Variants in ASAP1 observed in about 807,000 individuals in gnomAD.
ASAP1 encodes arf-GAP with SH3 domain, ANK repeat and PH domain-containing protein 1.
In ASAP1, 43 loss-of-function variants were observed where a neutral mutation model predicts 145.2. That is an observed-to-expected ratio of 0.30 (90% confidence interval 0.23 to 0.38). The LOEUF (loss-of-function observed/expected upper bound fraction) is 0.38. ASAP1 is among the 10% of genes least tolerant of loss of function. The probability of loss-of-function intolerance (pLI) is 1.00; values close to 1 mark genes in which losing one functional copy is unlikely to be tolerated. For missense variants in ASAP1, 1,018 were observed against 1,355.3 expected, an observed-to-expected ratio of 0.75 and a Z score of 3.91; for synonymous variants, 546 against 515.5, an observed-to-expected ratio of 1.06 and a Z score of -0.80.
rs58907739 is a variant in ASAP1 at position 130,072,831 on chromosome 8, G to GCGTGCGT, written c.2701+3516_2701+3517insACGCACG. Among the ~76,000 whole-genome samples the GCGTGCGT allele has an allele frequency of 7.2e-5, 8 of 110,774 alleles. 1 individual carries two copies. Among genetic ancestry groups the GCGTGCGT allele is most frequent in the African/African-American group, 1.8e-4 (5 of 27,920 alleles). 72.7% of individuals were successfully genotyped at this position (110,774 alleles called of 152,430 possible). A position where few individuals can be genotyped will look rare whatever the true frequency, so the allele number is the denominator to read the frequency against. On this transcript the variant is annotated intron_variant, in intron 27 of 29. Transcript: ENST00000518721. ...TGTGTGTGTGTGTGTGTGTGCGCGCGGGGGGGGGCAGTTTTGGGGACTGAG... is the reference window on the plus strand; with the variant it reads ...TGTGTGTGTGTGTGTGTGTGCGCGCGCGTGCGTGGGGGGGGCAGTTTTGGGGACTGAG...
intron 27 of ASAP1, among the ~76,000 whole-genome samples, chr8:130,068,439 A>C (rs1053793684): frequency 2.0e-5 from 3 of 152,240 alleles, no homozygotes; most frequent in Non-Finnish European, 4.4e-5. Context: ...ACTAGAGGGT[A>C]TAGTGCGAAA....
chr8:130,426,965 A>C (rs1199475640), intron 1 of ASAP1, among the ~76,000 whole-genome samples: 1 of 152,214 alleles, frequency 6.6e-6, no homozygotes, highest in Non-Finnish European at 1.5e-5. Context: ...TCCCGCCCCT[A>C]GAATACCACC....
At chr8:130,203,201 A>G (rs1815983048) in intron 5 of ASAP1, among the ~76,000 whole-genome samples, 1 of 152,216 alleles carries the variant, frequency 6.6e-6, no homozygotes, top group South Asian at 2.1e-4. Context: ...CTTATACAAC[A>G]ACAAAGTCCA....
rs1300886479 is a variant in ASAP1 at position 130,401,867 on chromosome 8, G to A, written c.59+18C>T. ...CCACGCCGAGTTTTCTGGACAGGAT[G>A]GGCTAGAGATCACTCACCGATTCCA... On this transcript the variant is annotated intron_variant, in intron 2 of 29. Transcript: ENST00000518721. 8.1e-6 allele frequency: 13 copies of A among 1,611,278 alleles called. No individual in the cohort carries two copies. Among genetic ancestry groups the A allele is most frequent in the Non-Finnish European group, 1.1e-5 (13 of 1,178,520 alleles).
chr8:130,234,357 C>G (rs1818087109), intron 4 of ASAP1, among the ~76,000 whole-genome samples: 2 of 151,856 alleles, frequency 1.3e-5, no homozygotes. Context: ...TAGTACAAAC[C>G]TAGGAGGAGG....
At chr8:130,398,413 A>G (rs149721286) in intron 2 of ASAP1, among the ~76,000 whole-genome samples, 9 of 152,330 alleles carry the variant, frequency 5.9e-5, no homozygotes, top group African/African-American at 1.9e-4. Context: ...ATGGTATAGT[A>G]GTAATAATAG....
intron 3 of ASAP1, among the ~76,000 whole-genome samples, chr8:130,304,504 C>A (rs906235510): frequency 6.6e-6 from 1 of 152,164 alleles, no homozygotes; most frequent in African/African-American, 2.4e-5. Flanking sequence ...AGGCTCAAAG[C>A]CAACCTTCAC....
chr8:130,176,794 G>A (rs568964250), intron 9 of ASAP1, among the ~76,000 whole-genome samples: 35 of 151,706 alleles, frequency 2.3e-4, no homozygotes, highest in African/African-American at 8.5e-4. Flanking sequence ...GGATTCAAGC[G>A]ATTCTCCTGC....
At chr8:130,289,043 G>C (rs2137280022) in intron 3 of ASAP1, among the ~76,000 whole-genome samples, 1 of 152,276 alleles carries the variant, frequency 6.6e-6, no homozygotes, top group African/African-American at 2.4e-5. Context: ...AAAATTAGCT[G>C]GGCGTGGTGG....
At chr8:130,385,411 T>G (rs1444975863) in intron 2 of ASAP1, among the ~76,000 whole-genome samples, 1 of 152,210 alleles carries the variant, frequency 6.6e-6, no homozygotes, top group Non-Finnish European at 1.5e-5. Context: ...TGGGGCACCT[T>G]AGAGTTAGGG....
At chr8:130,283,318 C>T (rs1015660804) in intron 3 of ASAP1, among the ~76,000 whole-genome samples, 6 of 152,036 alleles carry the variant, frequency 3.9e-5, no homozygotes, top group Non-Finnish European at 5.9e-5. Context: ...CAGTGGTTCA[C>T]GCCTGTAATC....
intron 7 of ASAP1, among the ~76,000 whole-genome samples, chr8:130,182,831 C>CAAAAAAAAAAAAAAAAAAAAAAAAAAAG (rs35195899): frequency 1.4e-5 from 1 of 73,596 alleles, no homozygotes; most frequent in African/African-American, 5.9e-5. Context: ...TATAAAAAGG[C>CAAAAAAAAAAAAAAAAAAAAAAAAAAAG]AAAAAAAAAA....
chr8:130,436,959 G>C (rs138116753), intron 1 of ASAP1, among the ~76,000 whole-genome samples: 5,468 of 151,964 alleles, frequency 0.036, 130 homozygotes, highest in Middle Eastern at 0.099. Context: ...ACAAAAATTA[G>C]CCAGGCGTGG....
At chr8:130,170,326 T>C (rs1248896176) in intron 9 of ASAP1, among the ~76,000 whole-genome samples, 2 of 152,112 alleles carry the variant, frequency 1.3e-5, no homozygotes, top group African/African-American at 2.4e-5. Flanking sequence ...GGCTAATTTT[T>C]GTATTTTCAG....
intron 3 of ASAP1, among the ~76,000 whole-genome samples, chr8:130,327,679 A>T (rs1824424263): frequency 6.6e-6 from 1 of 152,222 alleles, no homozygotes; most frequent in African/African-American, 2.4e-5. Flanking sequence ...TGCAGCCATT[A>T]AAAAGCATGG....
intron 22 of ASAP1, among the ~76,000 whole-genome samples, chr8:130,116,126 A>C (rs189442667): frequency 6.6e-6 from 1 of 152,322 alleles, no homozygotes; most frequent in Admixed American, 6.5e-5. Context: ...AATTGTCTCA[A>C]AGGATTCTTT....
At chr8:130,268,651 T>TA (rs1324296142) in intron 3 of ASAP1, among the ~76,000 whole-genome samples, 1 of 152,076 alleles carries the variant, frequency 6.6e-6, no homozygotes, top group Non-Finnish European at 1.5e-5. Flanking sequence ...CAACAAAAAC[T>TA]AAAAAATAAT....
chr8:130,426,000 T>C (rs1195588806), intron 1 of ASAP1, among the ~76,000 whole-genome samples: 2 of 152,200 alleles, frequency 1.3e-5, no homozygotes, highest in Non-Finnish European at 2.9e-5. Context: ...AGACAGCAAA[T>C]ACTGCTTGAT....
chr8:130,239,530 G>A (rs747524215), intron 3 of ASAP1, among the ~76,000 whole-genome samples: 2 of 151,956 alleles, frequency 1.3e-5, no homozygotes, highest in Admixed American at 6.6e-5. Flanking sequence ...AATGATATCC[G>A]CGATAGGCTG....
Sources: gnomAD v4.1 joint callset for allele counts (sites outside exome capture counted in the v4.1 genomes callset) on GRCh38, gnomAD v4.1.1 for gene constraint, MANE v1.5 for transcripts, NCBI Gene and HGNC (gene_info 2026-07-23, HGNC 2026-07-21) for gene names.